The following SND1 variants were observed in gnomAD, a reference collection of about 807,000 sequenced individuals.
SND1 encodes the protein staphylococcal nuclease and tudor domain containing 1, also known as staphylococcal nuclease domain-containing protein 1.
Under a neutral mutation model 121.7 loss-of-function variants are expected in SND1, and 38 were observed. That is an observed-to-expected ratio of 0.31 (90% confidence interval 0.24 to 0.41). The LOEUF (loss-of-function observed/expected upper bound fraction) is 0.41, where lower values mean the gene tolerates loss of function less well. Among genes scored for constraint, SND1 ranks in the 10% least tolerant of loss-of-function variants. SND1 has a pLI of 1.00. For synonymous variants in SND1, 401 were observed against 447.4 expected, an observed-to-expected ratio of 0.90 and a Z score of 1.31; for missense variants, 868 against 1,184.6, an observed-to-expected ratio of 0.73 and a Z score of 3.92.
Position 128,015,216 on chromosome 7 carries a change from G to A in SND1, c.1779+24160G>A, listed in dbSNP as rs1803200351. Among the ~76,000 whole-genome samples the A allele has an allele frequency of 2.6e-5, 4 of 152,224 alleles. No homozygotes were observed. The highest frequency in any genetic ancestry group is 2.6e-4 in the Admixed American group (4 of 15,288). On this transcript the variant is annotated intron_variant, in intron 16 of 23. Transcript: ENST00000354725. The surrounding 1 kb of genome is among the most constrained non-coding windows in gnomAD (Gnocchi z 4.5). ...TGCCCTGCTTTCCCAAGATGAAGGGGCTGGGTCAGGCCTTGCCCGCAGGTC... is the reference window on the plus strand; with the variant it reads ...TGCCCTGCTTTCCCAAGATGAAGGGACTGGGTCAGGCCTTGCCCGCAGGTC...
At chr7:128,074,858 G>A (rs958755555) in intron 17 of SND1, among the ~76,000 whole-genome samples, 168 bp downstream of exon 17, 2 of 152,236 alleles carry the variant, frequency 1.3e-5, no homozygotes, top group Non-Finnish European at 2.9e-5. Context: ...AGGAGAGGCT[G>A]CCAGCTGAGG....
intron 22 of SND1, 140 bp from the exon 23 acceptor site, chr7:128,091,697 A>T: frequency 1.2e-6 from 1 of 840,998 alleles, no homozygotes. Context: ...TTTCCGTTTT[A>T]CTCTGAGGGA....
At chr7:127,749,590 A>G (rs892408627) in intron 10 of SND1, among the ~76,000 whole-genome samples, 2 of 152,210 alleles carry the variant, frequency 1.3e-5, no homozygotes, top group African/African-American at 4.8e-5. Flanking sequence ...CACCGGGAAG[A>G]GTCAACAAGG....
At chr7:127,908,382 G>A (rs1173591690) in intron 14 of SND1, among the ~76,000 whole-genome samples, 8 of 149,642 alleles carry the variant, frequency 5.3e-5, no homozygotes, top group African/African-American at 1.2e-4. Flanking sequence ...ACCCATCTGC[G>A]TCTCTTACAC....
chr7:127,829,184 G>T (rs373366847), intron 11 of SND1, among the ~76,000 whole-genome samples: 2 of 152,326 alleles, frequency 1.3e-5, no homozygotes, highest in African/African-American at 4.8e-5. Context: ...TGCAGCAGAT[G>T]AGGGAAAAGC....
intron 12 of SND1, among the ~76,000 whole-genome samples, chr7:127,877,169 A>G (rs1472284496): frequency 2.6e-5 from 4 of 152,198 alleles, no homozygotes; most frequent in Admixed American, 1.3e-4. Context: ...AAATGAGACT[A>G]TCAAATAAGA....
chr7:127,983,656 A>G (rs1802319018), intron 15 of SND1, among the ~76,000 whole-genome samples: 1 of 152,112 alleles, frequency 6.6e-6, no homozygotes, highest in Non-Finnish European at 1.5e-5. Flanking sequence ...TTGTGTTGAA[A>G]TTTCAGGGAG....
At chr7:127,675,104 G>A (rs1357819556) in intron 1 of SND1, among the ~76,000 whole-genome samples, 1 of 152,186 alleles carries the variant, frequency 6.6e-6, no homozygotes, top group African/African-American at 2.4e-5. Flanking sequence ...GGGAGGGTGA[G>A]GCATGAGAAT....
intron 10 of SND1, among the ~76,000 whole-genome samples, chr7:127,771,988 G>A (rs1271829750): frequency 1.3e-5 from 2 of 152,124 alleles, no homozygotes; most frequent in East Asian, 1.9e-4. Flanking sequence ...GATAATGTAT[G>A]CAACACTTCA....
At chr7:128,010,944 G>A (rs750278221) in intron 16 of SND1, among the ~76,000 whole-genome samples, 3 of 152,140 alleles carry the variant, frequency 2.0e-5, no homozygotes, top group Admixed American at 6.5e-5. Flanking sequence ...GTGAGCGGAC[G>A]CCCTCAGCAG....
chr7:127,792,262 C>T (rs1047528969), intron 10 of SND1, among the ~76,000 whole-genome samples: 1 of 151,996 alleles, frequency 6.6e-6, no homozygotes, highest in Admixed American at 6.6e-5. Flanking sequence ...TGTGTGGGGG[C>T]AGGCAGGGTG....
intron 11 of SND1, among the ~76,000 whole-genome samples, chr7:127,843,207 T>C (rs903036860): frequency 6.6e-6 from 1 of 152,132 alleles, no homozygotes; most frequent in African/African-American, 2.4e-5. Context: ...ACCAGAGTGG[T>C]ATATTTATTA....
At chr7:128,031,037 G>C (rs1385742792) in intron 16 of SND1, 2 of 151,858 alleles carry the variant, frequency 1.3e-5, no homozygotes, top group Non-Finnish European at 2.9e-5. Context: ...GTGGGGGCGG[G>C]GAGGGCAGAG....
At position 127,874,351 on chromosome 7, in the gene SND1, C is replaced by G. The variant is rs1799651673; in HGVS notation, c.1344-13551C>G. Among the ~76,000 whole-genome samples the G allele has an allele frequency of 2.0e-5, 3 of 152,108 alleles. No individual in the cohort carries two copies. The South Asian group carries it at 6.2e-4, about 32-fold the overall frequency. On this transcript the variant is annotated intron_variant, in intron 12 of 23. Coordinates refer to ENST00000354725, the MANE Select transcript of SND1 (RefSeq NM_014390.4). ...TAACATGTGAAAGTTGACTTTCAAA[C>G]ACATATTGAAAGACCATATTATGCA...
chr7:127,716,971 A>G (rs1222101745), intron 9 of SND1, among the ~76,000 whole-genome samples: 1 of 152,250 alleles, frequency 6.6e-6, no homozygotes, highest in Non-Finnish European at 1.5e-5. Flanking sequence ...TGCAGCTTAT[A>G]CTAGTAAACC....
intron 12 of SND1, among the ~76,000 whole-genome samples, chr7:127,853,212 G>T (rs1295192150): frequency 6.6e-6 from 1 of 152,178 alleles, no homozygotes. Flanking sequence ...TTTTGCAAGT[G>T]GGGGCTCGGG....
At chr7:127,825,172 G>A (rs1230777293) in intron 11 of SND1, among the ~76,000 whole-genome samples, 2 of 152,132 alleles carry the variant, frequency 1.3e-5, no homozygotes, top group Non-Finnish European at 2.9e-5. Flanking sequence ...GTGCAATGGC[G>A]CGATGTGGGC....
intron 15 of SND1, among the ~76,000 whole-genome samples, chr7:127,950,260 AT>A (rs1563067941): frequency 6.6e-6 from 1 of 152,086 alleles, no homozygotes; most frequent in Non-Finnish European, 1.5e-5. Flanking sequence ...TATTCATTGT[AT>A]ACACAATGCG....
At position 127,961,796 on chromosome 7, in the gene SND1, C is replaced by T. The variant is rs999200061; in HGVS notation, c.1670-29151C>T. Among the ~76,000 whole-genome samples the T allele has an allele frequency of 6.6e-5, 10 of 152,288 alleles. 1 individual carries two copies. The highest frequency in any genetic ancestry group is 2.1e-4 in the South Asian group (1 of 4,824). ...GTGCAAATGCCAGTGTCCACTCCCT[C>T]GCCAGACCTTTGAGACCTAGTTGGA... On this transcript the variant is annotated intron_variant, in intron 15 of 23. Coordinates refer to ENST00000354725, the MANE Select transcript of SND1 (RefSeq NM_014390.4).
Sources: gnomAD v4.1 joint callset for allele counts (sites outside exome capture counted in the v4.1 genomes callset) on GRCh38, gnomAD v4.1.1 for gene constraint, Gnocchi (gnomAD v3.1) non-coding constraint, MANE v1.5 for transcripts, NCBI Gene and HGNC (gene_info 2026-07-23, HGNC 2026-07-21) for gene names.